Variants in ARHGAP6 observed in about 807,000 individuals in gnomAD.
The protein encoded by ARHGAP6 is Rho GTPase activating protein 6, also known as rho GTPase-activating protein 6.
ARHGAP6 carries 16 observed loss-of-function variants against 55.7 expected under a neutral mutation model. The ratio of observed to expected loss-of-function variants is 0.29; its 90% CI spans 0.19 to 0.44. ARHGAP6 has a LOEUF of 0.44. Among genes scored for constraint, ARHGAP6 ranks in the 20% least tolerant of loss-of-function variants. ARHGAP6 has a pLI of 1.00. For synonymous variants in ARHGAP6, 382 were observed against 360.9 expected (o/e 1.06, Z -0.66); for missense variants, 698 against 808.9 (o/e 0.86, Z 1.66).
intron 2 of ARHGAP6, among the ~76,000 whole-genome samples, chrX:11,225,907 G>A (rs1455724541): frequency 9.1e-6 from 1 of 109,394 alleles, no homozygotes; most frequent in Non-Finnish European, 1.9e-5. Flanking sequence ...AGCTTTACAG[G>A]TATCCTTTAA....
chrX:11,449,384 G>A (rs1163492228), intron 1 of ARHGAP6, among the ~76,000 whole-genome samples: 1 of 112,058 alleles, frequency 8.9e-6, no homozygotes, highest in Non-Finnish European at 1.9e-5. Flanking sequence ...GCCATTGTGT[G>A]TTGTTTGGGA....
chrX:11,613,580 C>CAG (rs2052128384), intron 1 of ARHGAP6, among the ~76,000 whole-genome samples: 2 of 112,132 alleles, frequency 1.8e-5, no homozygotes, highest in Admixed American at 9.4e-5. Flanking sequence ...GAAGCTCTGA[C>CAG]AGAGCTTTTT....
chrX:11,525,844 T>A (rs1400664478), intron 1 of ARHGAP6, among the ~76,000 whole-genome samples: 1 of 110,966 alleles, frequency 9.0e-6, no homozygotes, highest in East Asian at 2.8e-4. Flanking sequence ...AGGCTCTATT[T>A]ACCCATGTTG....
chrX:11,529,055 A>G (rs1035115397), intron 1 of ARHGAP6, among the ~76,000 whole-genome samples: 4 of 111,465 alleles, frequency 3.6e-5, no homozygotes, highest in African/African-American at 1.3e-4. Context: ...CACACACACA[A>G]TCTCCCTCTC....
chrX:11,442,511 A>G (rs1267404823), intron 1 of ARHGAP6, among the ~76,000 whole-genome samples: 3 of 112,084 alleles, frequency 2.7e-5, no homozygotes, highest in African/African-American at 9.7e-5. Context: ...CCCAGTCTCC[A>G]GCACTTCTTT....
chrX:11,160,062 T>C (rs1218608476), intron 9 of ARHGAP6, among the ~76,000 whole-genome samples: 1 of 111,193 alleles, frequency 9.0e-6, no homozygotes, highest in African/African-American at 3.3e-5. Context: ...CCGATCTCTT[T>C]TTTAGAAGAA....
At chrX:11,261,351 G>A (rs1416984927) in intron 1 of ARHGAP6, among the ~76,000 whole-genome samples, 1 of 111,257 alleles carries the variant, frequency 9.0e-6, no homozygotes, top group Non-Finnish European at 1.9e-5. Context: ...GACTCTCATG[G>A]CATGGACCAT....
chrX:11,601,314 A>G (rs2147142792), intron 1 of ARHGAP6, among the ~76,000 whole-genome samples: 1 of 111,427 alleles, frequency 9.0e-6, no homozygotes, highest in Admixed American at 9.5e-5. Flanking sequence ...CCAAAAGAGC[A>G]GTGGTGGTGC....
chrX:11,232,678 T>C (rs1174753637), intron 2 of ARHGAP6, among the ~76,000 whole-genome samples: 2 of 111,998 alleles, frequency 1.8e-5, no homozygotes, highest in South Asian at 3.8e-4. Context: ...AACTAGTTGA[T>C]AGTTAATAAT....
In ARHGAP6 at chrX:11,462,203, A is replaced by G. The variant is rs191264178; in HGVS notation, c.588+202038T>C. ...TTCTTGTGCTTTAGAAATAGGTTCA[A>G]TAAAAGAAAGTCCAACTTGTGAAAT... On this transcript the variant is annotated intron_variant, in intron 1 of 12. Transcript: ENST00000337414. Among the ~76,000 whole-genome samples, 36 of 112,001 alleles carry G rather than the reference A, an allele frequency of 3.2e-4. No homozygotes were observed. The Admixed American group carries it at 3.4e-3, about 11-fold the overall frequency.
chrX:11,535,666 C>A (rs1310556682), intron 1 of ARHGAP6, among the ~76,000 whole-genome samples: 1 of 111,517 alleles, frequency 9.0e-6, no homozygotes, highest in Non-Finnish European at 1.9e-5. Context: ...CATCCCCATG[C>A]CCATCTGTGT....
intron 2 of ARHGAP6, among the ~76,000 whole-genome samples, chrX:11,246,815 G>A (rs2047360135): frequency 8.9e-6 from 1 of 111,877 alleles, no homozygotes; most frequent in African/African-American, 3.2e-5. Flanking sequence ...TGTGGATTCT[G>A]CACCAGGTTT....
chrX:11,170,746 G>A (rs1026800048), intron 8 of ARHGAP6, among the ~76,000 whole-genome samples: 9 of 111,221 alleles, frequency 8.1e-5, no homozygotes, highest in African/African-American at 2.3e-4. Flanking sequence ...TTTAACAAAT[G>A]AAAAAATGGA....
At chrX:11,304,777 C>CTTTTTTTTTTTTTTTT (rs953912280) in intron 1 of ARHGAP6, among the ~76,000 whole-genome samples, 5 of 50,308 alleles carry the variant, frequency 9.9e-5, no homozygotes, top group Non-Finnish European at 1.1e-4. Context: ...CTTTCTTTTA[C>CTTTTTTTTTTTTTTTT]TTTTTTTTTT....
chrX:11,316,864 C>T (rs1418805130), intron 1 of ARHGAP6, among the ~76,000 whole-genome samples: 1 of 112,700 alleles, frequency 8.9e-6, no homozygotes, highest in Non-Finnish European at 1.9e-5. Flanking sequence ...CCTCCAGATT[C>T]ATCCATGTTG....
chrX:11,586,914 AT>A (rs1416668154), intron 1 of ARHGAP6, among the ~76,000 whole-genome samples: 4 of 111,599 alleles, frequency 3.6e-5, no homozygotes, highest in African/African-American at 1.3e-4. Context: ...TTTCTAGGTA[AT>A]TTTAATCTTT....
At chrX:11,219,899 C>A (rs1311775763) in intron 2 of ARHGAP6, among the ~76,000 whole-genome samples, 1 of 98,057 alleles carries the variant, frequency 1.0e-5, no homozygotes, top group Admixed American at 1.1e-4. Flanking sequence ...TTAATTAGAT[C>A]CCATTTGTCA....
intron 1 of ARHGAP6, among the ~76,000 whole-genome samples, chrX:11,295,755 T>C (rs1420670520): frequency 8.9e-6 from 1 of 112,180 alleles, no homozygotes; most frequent in African/African-American, 3.2e-5. Flanking sequence ...TAAGATGGTA[T>C]TGTTCAAGAG....
intron 1 of ARHGAP6, among the ~76,000 whole-genome samples, chrX:11,280,772 T>G (rs962318085): frequency 8.0e-5 from 8 of 99,767 alleles, no homozygotes; most frequent in African/African-American, 2.3e-4. Context: ...AAAATCAAAA[T>G]TTTTTTCGGA....
Sources: allele counts gnomAD v4.1 joint callset (sites outside exome capture counted in the v4.1 genomes callset), GRCh38; gene constraint gnomAD v4.1.1; transcripts MANE v1.5; gene names NCBI Gene and HGNC (gene_info 2026-07-23, HGNC 2026-07-21).